ELMO2: variants seen among roughly 807,000 people sequenced by gnomAD.
The protein encoded by ELMO2 is engulfment and cell motility protein 2.
In ELMO2, 37 loss-of-function variants were observed where a neutral mutation model predicts 96.2. That is an observed-to-expected ratio of 0.38 (90% CI 0.30 to 0.51). ELMO2 has a LOEUF of 0.51. ELMO2 is among the 20% of genes least tolerant of loss of function. The pLI is 0.88. For synonymous variants in ELMO2, 315 were observed against 329.4 expected, an observed-to-expected ratio of 0.96 and a Z score of 0.47; for missense variants, 561 against 912.6, an observed-to-expected ratio of 0.61 and a Z score of 4.96.
Position 46,391,103 on chromosome 20 carries a change from G to A in ELMO2, c.244-1883C>T, listed in dbSNP as rs539554794. Among the ~76,000 whole-genome samples, 26 of 152,234 alleles carry A rather than the reference G, an allele frequency of 1.7e-4. No homozygotes were observed. The South Asian group carries it at 4.4e-3, about 25-fold the overall frequency. ...GTGCAAGAGGTCTGTGAAATGTGTC[G>A]GCACTTCCATAAAAGTGAGTAACTC... On this transcript the variant is annotated intron_variant, in intron 6 of 21. Transcript: ENST00000290246.
chr20:46,371,397 C>T lies in ELMO2; in HGVS notation c.1756G>A (p.Asp586Asn), dbSNP rs754184468. The stretch of plus-strand genomic sequence containing the variant: ...AATGTCACCTCCCCTTGTGGGTTGT[C>T]ATCCAAGTCACCATAGTGAAGGACC... ...HKVLHYGDLD[D>N]NPQGEVTFES... The change falls in exon 19 of 22, where the codon GAC becomes AAC. Residue 586 changes from aspartate (D) to asparagine (N), a missense_variant. Physicochemically the swap from Asp to Asn is conservative, Grantham distance 23. Coordinates refer to ENST00000290246, the MANE Select transcript of ELMO2 (RefSeq NM_133171.5). This position sits in a 1 kb window ranked among gnomAD's most constrained non-coding sequence, Gnocchi z 5.9. 4.4e-5 allele frequency: 71 copies of T among 1,614,136 alleles called. No homozygotes were observed.
chr20:46,387,241 G>T (rs1199369565), intron 8 of ELMO2, 97 bp downstream of exon 8: 1 of 999,844 alleles, frequency 1.0e-6, no homozygotes, highest in Non-Finnish European at 1.5e-6. Context: ...ATATAAAGCT[G>T]ATCTCACCAG....
At chr20:46,367,645 A>C in intron 21 of ELMO2, 85 bp from the exon 22 acceptor site, 8 of 1,126,656 alleles carry the variant, frequency 7.1e-6, no homozygotes, top group Non-Finnish European at 1.0e-5. Flanking sequence ...GATGGGGCTC[A>C]CAACAGTTCC....
intron 2 of ELMO2, among the ~76,000 whole-genome samples, chr20:46,396,214 C>T (rs1218250829): frequency 6.6e-6 from 1 of 152,186 alleles, no homozygotes. Context: ...AAATGCTCTG[C>T]TCCAGTTACA....
chr20:46,402,093 C>T (rs1280069097), intron 1 of ELMO2, among the ~76,000 whole-genome samples: 3 of 152,134 alleles, frequency 2.0e-5, no homozygotes, highest in African/African-American at 4.8e-5. Flanking sequence ...AGATAAGGTC[C>T]GAGAAACAGT....
rs149706317 is a variant in ELMO2, at chr20:46,376,341, C to T, written c.808-551G>A. Reference sequence around the variant, plus strand: ...AGCTCCCTCCCACGGCCCTCTCCTTCCTTCCTTCCTCTCACTTGTCCTCTC... The same window carrying T: ...AGCTCCCTCCCACGGCCCTCTCCTTTCTTCCTTCCTCTCACTTGTCCTCTC... On this transcript the variant is annotated intron_variant, in intron 11 of 21. Coordinates refer to ENST00000290246, the MANE Select transcript of ELMO2 (RefSeq NM_133171.5). Among the ~76,000 whole-genome samples the T allele has an allele frequency of 2.2e-3, 329 of 152,090 alleles. 1 individual carries two copies. Among genetic ancestry groups the T allele is most frequent in the African/African-American group, 7.6e-3 (315 of 41,488 alleles).
intron 1 of ELMO2, among the ~76,000 whole-genome samples, chr20:46,406,105 G>C (rs1313805053): frequency 6.6e-6 from 1 of 152,136 alleles, no homozygotes; most frequent in Non-Finnish European, 1.5e-5. Flanking sequence ...TGGTGGACGC[G>C]GGCAGCCGGG....
In ELMO2 at chr20:46,367,129, G is replaced by T. The variant is rs1009650309; in HGVS notation, c.*231C>A. ...GTTTGTTCCTCGTGGCCCAATCCCA[G>T]GCTTCATGGTGATGGAGTGGGCAGA... On this transcript the variant is annotated 3_prime_UTR_variant, in exon 22 of 22. Coordinates refer to ENST00000290246, the MANE Select transcript of ELMO2 (RefSeq NM_133171.5). 11 of 400,082 alleles carry T rather than the reference G, an allele frequency of 2.7e-5. No homozygotes were observed. Among genetic ancestry groups the T allele is most frequent in the African/African-American group, 2.3e-4 (11 of 48,394 alleles). 24.8% of individuals were successfully genotyped at this position (400,082 alleles called of 1,614,324 possible).
In ELMO2 at chr20:46,374,440, T is replaced by G; in HGVS notation, c.1171A>C (p.Ile391Leu). Residue 391 changes from isoleucine (I) to leucine (L), a missense_variant and splice_region_variant, in exon 15 of 22, where the codon ATT (isoleucine) becomes CTT (leucine). Ile to Leu is a conservative substitution (Grantham distance 5). Transcript: ENST00000290246. ...TCCCGGCTACTGTTCTCCAAGACAA[T>G]CTGTCGGGGGAAGAGAAAGGGAGGA... ...AKVHQDTYIRIVLENSSREDK... is the reference protein window; with the variant it reads ...AKVHQDTYIRLVLENSSREDK... 1.2e-6 allele frequency: 2 copies of G among 1,613,934 alleles called. No individual in the cohort carries two copies. The highest frequency in any genetic ancestry group is 1.7e-6 in the Non-Finnish European group (2 of 1,179,922).
chr20:46,375,632 A>G lies in ELMO2; in HGVS notation c.930+36T>C. 9 of 1,613,592 alleles carry G rather than the reference A, an allele frequency of 5.6e-6. No individual in the cohort carries two copies. The highest frequency in any genetic ancestry group is 5.1e-6 in the Non-Finnish European group (6 of 1,179,566). The stretch of plus-strand genomic sequence containing the variant: ...ATAGACTAAGGCTGGACTGCACCAC[A>G]GCCATGAGAAAACAGCTGCCCCACT... On this transcript the variant is annotated intron_variant, in intron 12 of 21. Coordinates refer to ENST00000290246, the MANE Select transcript of ELMO2 (RefSeq NM_133171.5). The surrounding 1 kb of genome is among the most constrained non-coding windows in gnomAD (Gnocchi z 4.6).
At chr20:46,404,513 C>T (rs914861031) in intron 1 of ELMO2, among the ~76,000 whole-genome samples, 1 of 152,192 alleles carries the variant, frequency 6.6e-6, no homozygotes, top group African/African-American at 2.4e-5. Flanking sequence ...CTAGAATTAT[C>T]CCCGGCAGGC....
chr20:46,386,072 A>T, intron 9 of ELMO2, 52 bp downstream of exon 9: 1 of 1,575,922 alleles, frequency 6.3e-7, no homozygotes. Context: ...AAATAAGAGG[A>T]GAAAAGAGGA....
intron 1 of ELMO2, among the ~76,000 whole-genome samples, chr20:46,399,960 C>T (rs778160069): frequency 1.1e-4 from 17 of 152,024 alleles, no homozygotes; most frequent in Non-Finnish European, 2.2e-4. Context: ...GCCAGGAGTT[C>T]GAGACATTTC....
rs1170482925 is a variant in ELMO2 at position 46,393,554 on chromosome 20, C to T, written c.167G>A (p.Gly56Asp). Reference sequence around the variant, plus strand: ...CTGTTCGGTGATGTACAGCTGAGGACCATCTGCATAACGGAGGGTATAATA... The same window carrying T: ...CTGTTCGGTGATGTACAGCTGAGGATCATCTGCATAACGGAGGGTATAATA... Reference protein sequence around the residue: ...PEYYTLRYADGPQLYITEQTR... With the variant: ...PEYYTLRYADDPQLYITEQTR... Residue 56 changes from glycine to aspartate, a missense_variant, in exon 5 of 22, where the codon GGT becomes GAT. Gly to Asp is a moderately conservative substitution (Grantham distance 94). Transcript: ENST00000290246. 6.2e-7 allele frequency: 1 copy of T among 1,614,166 alleles called. No homozygotes were observed. Among genetic ancestry groups the T allele is most frequent in the Non-Finnish European group, 8.5e-7 (1 of 1,180,040 alleles).
rs2059829069 is a variant in ELMO2 at position 46,375,013 on chromosome 20, AC to A, written c.1065+222del. ...TCTCTACCCACTCTAGCTGACCGCA[AC>A]CCCCCTACAGATGGATTCGTTTCAC... On this transcript the variant is annotated intron_variant, in intron 13 of 21. Transcript: ENST00000290246. The surrounding 1 kb of genome is among the most constrained non-coding windows in gnomAD (Gnocchi z 4.6). Among the ~76,000 whole-genome samples, 2 of 151,570 alleles carry A rather than the reference AC, an allele frequency of 1.3e-5. No individual in the cohort carries two copies. Among genetic ancestry groups the A allele is most frequent in the African/African-American group, 2.4e-5 (1 of 41,206 alleles).
chr20:46,388,704 C>T (rs907800732), intron 7 of ELMO2, among the ~76,000 whole-genome samples: 1 of 152,096 alleles, frequency 6.6e-6, no homozygotes, highest in African/African-American at 2.4e-5. Flanking sequence ...TGCTCACTAA[C>T]CCTCATCAAA....
At chr20:46,406,190 C>T (rs930180139) in intron 1 of ELMO2, among the ~76,000 whole-genome samples, 1 of 152,062 alleles carries the variant, frequency 6.6e-6, no homozygotes, top group Non-Finnish European at 1.5e-5. Context: ...CTTCCCAGCC[C>T]TCTCCTTGCC....
intron 9 of ELMO2, 59 bp from the exon 10 acceptor site, chr20:46,383,553 C>T: frequency 6.9e-7 from 1 of 1,448,042 alleles, no homozygotes; most frequent in East Asian, 2.3e-5. Flanking sequence ...CAAGATGATG[C>T]TTAGAAATGG....
chr20:46,402,239 C>T (rs1051241195), intron 1 of ELMO2, among the ~76,000 whole-genome samples: 2 of 151,634 alleles, frequency 1.3e-5, no homozygotes, highest in South Asian at 2.1e-4. Context: ...AAGTCTATTC[C>T]CCCATCTACT....
Sources: allele counts gnomAD v4.1 joint callset (sites outside exome capture counted in the v4.1 genomes callset), GRCh38; gene constraint gnomAD v4.1.1; non-coding constraint Gnocchi (gnomAD v3.1); transcripts MANE v1.5; gene names NCBI Gene and HGNC (gene_info 2026-07-23, HGNC 2026-07-21).